Variants in AIG1 observed in about 807,000 individuals in gnomAD.
The protein encoded by AIG1 is androgen induced 1.
A neutral mutation model predicts 31.4 loss-of-function variants in AIG1; 23 were observed. The observed-to-expected ratio is 0.73, with a 90% CI of 0.53 to 1.04. The LOEUF is 1.04. Ranked by LOEUF, AIG1 falls within the 50% of genes least tolerant of loss-of-function variation. AIG1 has a pLI of 0.00. For missense variants in AIG1, 274 were observed against 295.0 expected (o/e 0.93, Z 0.52); for synonymous variants, 100 against 110.5 (o/e 0.90, Z 0.60).
intron 2 of AIG1, among the ~76,000 whole-genome samples, chr6:143,138,506 T>C (rs1011049117): frequency 6.6e-6 from 1 of 152,170 alleles, no homozygotes; most frequent in Non-Finnish European, 1.5e-5. Context: ...TGTATACATT[T>C]TTTCTTTTTT....
chr6:143,180,543 T>C (rs1788625984), intron 3 of AIG1, among the ~76,000 whole-genome samples: 1 of 152,172 alleles, frequency 6.6e-6, no homozygotes, highest in African/African-American at 2.4e-5. Flanking sequence ...TAAATAAATA[T>C]TTAAACTCCA....
intron 3 of AIG1, among the ~76,000 whole-genome samples, chr6:143,175,950 G>T (rs1024070373): frequency 6.6e-6 from 1 of 152,234 alleles, no homozygotes; most frequent in African/African-American, 2.4e-5. Context: ...TCAGACGGAA[G>T]ATCTGGGATT....
At chr6:143,162,441 T>TAA (rs1786470227) in intron 2 of AIG1, among the ~76,000 whole-genome samples, 1 of 152,192 alleles carries the variant, frequency 6.6e-6, no homozygotes, top group Non-Finnish European at 1.5e-5. Context: ...AAAGCAGTCA[T>TAA]AACAATTTGG....
chr6:143,335,179 C>T, intron 5 of AIG1: 1 of 1,302,288 alleles, frequency 7.7e-7, no homozygotes, highest in South Asian at 2.5e-5. Flanking sequence ...CCAACTTCTA[C>T]CTATCAAGTT....
intron 3 of AIG1, among the ~76,000 whole-genome samples, chr6:143,206,308 G>A (rs1261352181): frequency 2.6e-5 from 4 of 152,142 alleles, no homozygotes; most frequent in Non-Finnish European, 4.4e-5. Context: ...CCTTCTCAAG[G>A]TAGTTCTTAA....
chr6:143,168,669 G>T (rs1787200570), intron 3 of AIG1, among the ~76,000 whole-genome samples: 1 of 151,934 alleles, frequency 6.6e-6, no homozygotes. Context: ...TGGATGTGGT[G>T]GTATGAACAT....
intron 1 of AIG1, among the ~76,000 whole-genome samples, chr6:143,070,605 T>C (rs1487537254): frequency 2.0e-5 from 3 of 152,230 alleles, no homozygotes; most frequent in Non-Finnish European, 4.4e-5. Context: ...GAGAGCCTTC[T>C]TGATGCACCA....
rs1431734264 is a variant in AIG1, at chr6:143,334,378, CAAAT to C, written c.679+936_679+939del. The stretch of plus-strand genomic sequence containing the variant: ...CTGCCAGGAGCTCAATGGAATCAGA[CAAAT>C]AACGCACAGTGAGTGCATGGTTACT... On this transcript the variant is annotated intron_variant, in intron 5 of 5. Transcript: ENST00000357847. The surrounding 1 kb of genome is among the most constrained non-coding windows in gnomAD (Gnocchi z 5.1). Among the ~76,000 whole-genome samples, 2 of 152,230 alleles carry C rather than the reference CAAAT, an allele frequency of 1.3e-5. No homozygotes were observed. The highest frequency in any genetic ancestry group is 2.9e-5 in the Non-Finnish European group (2 of 68,040).
rs1345914307 is a variant in AIG1, at chr6:143,258,219, A to T, written c.400-25891A>T. On this transcript the variant is annotated intron_variant, in intron 3 of 5. Coordinates refer to ENST00000357847, the MANE Select transcript of AIG1 (RefSeq NM_016108.4). The surrounding 1 kb of genome is among the most constrained non-coding windows in gnomAD (Gnocchi z 4.7). ...CAGTTTCCTCACCTGTAAAATGAAG[A>T]CAAAAGCCTTCCACCCTGTCTCATC... is the stretch of plus-strand genomic sequence containing the variant. Among the ~76,000 whole-genome samples, 1 of 152,214 alleles carries T rather than the reference A, an allele frequency of 6.6e-6. No homozygotes were observed. Among genetic ancestry groups the T allele is most frequent in the Non-Finnish European group, 1.5e-5 (1 of 68,048 alleles).
In AIG1 at chr6:143,328,295, A is replaced by C. The variant is rs938911381; in HGVS notation, c.516-4987A>C. Among the ~76,000 whole-genome samples the C allele has an allele frequency of 2.0e-5, 3 of 152,162 alleles. No individual in the cohort carries two copies. Among genetic ancestry groups the C allele is most frequent in the Non-Finnish European group, 4.4e-5 (3 of 68,006 alleles). On this transcript the variant is annotated intron_variant, in intron 4 of 5. Transcript: ENST00000357847. This position sits in a 1 kb window ranked among gnomAD's most constrained non-coding sequence, Gnocchi z 4.0. ...CACTTATTGGAGAAGTTTGCTTTTG[A>C]AGAGGAGAGACTTGAGTAGTACTTG...
intron 3 of AIG1, among the ~76,000 whole-genome samples, chr6:143,172,507 G>T (rs1176581451): frequency 1.3e-5 from 2 of 152,128 alleles, no homozygotes; most frequent in Non-Finnish European, 2.9e-5. Context: ...TGTTCATCAG[G>T]AATATTGGTC....
intron 3 of AIG1, among the ~76,000 whole-genome samples, chr6:143,214,087 A>T (rs1250412283): frequency 6.6e-6 from 1 of 152,212 alleles, no homozygotes; most frequent in African/African-American, 2.4e-5. Context: ...ACTTTGCCAA[A>T]GCCTAGTAAA....
In AIG1 at chr6:143,279,105, C is replaced by T. The variant is rs1008801477; in HGVS notation, c.400-5005C>T. Among the ~76,000 whole-genome samples, 14 of 151,994 alleles carry T rather than the reference C, an allele frequency of 9.2e-5. No homozygotes were observed. The highest frequency in any genetic ancestry group is 4.6e-4 in the Admixed American group (7 of 15,262). ...TTACATTAGTGTGTACGTGTGTATA[C>T]GTATATGATGTTTTATGACAGCATT... On this transcript the variant is annotated intron_variant, in intron 3 of 5. Coordinates refer to ENST00000357847, the MANE Select transcript of AIG1 (RefSeq NM_016108.4). The surrounding 1 kb of genome is among the most constrained non-coding windows in gnomAD (Gnocchi z 5.4).
chr6:143,163,471 C>T (rs1786609049), intron 2 of AIG1, among the ~76,000 whole-genome samples: 1 of 152,152 alleles, frequency 6.6e-6, no homozygotes, highest in Admixed American at 6.5e-5. Context: ...TACAAAATTC[C>T]TAGGATCCTC....
rs377763087 is a variant in AIG1, at chr6:143,173,502, CT to C, written c.399+8324del. Among the ~76,000 whole-genome samples, 50 of 152,324 alleles carry C rather than the reference CT, an allele frequency of 3.3e-4. No homozygotes were observed. The East Asian group carries it at 7.3e-3, about 22-fold the overall frequency. On this transcript the variant is annotated intron_variant, in intron 3 of 5. Coordinates refer to ENST00000357847, the MANE Select transcript of AIG1 (RefSeq NM_016108.4). ...GATTGTCTATTTGCACTCTTTCAGA[CT>C]TTTTGATGTAGGCATTTAATGCTAT...
At position 143,263,401 on chromosome 6, in the gene AIG1, C is replaced by A. The variant is rs978983036; in HGVS notation, c.400-20709C>A. 9.2e-5 allele frequency among the ~76,000 whole-genome samples: 14 copies of A among 152,004 alleles called. No individual in the cohort carries two copies. In the South Asian group the frequency reaches 2.9e-3, roughly 32 times the overall value. Reference sequence around the variant, plus strand: ...GCTCATCTGCTCAGCTTATTATAAGCCCTGCCCTGGTTCTTCATATTTCTG... The same window carrying A: ...GCTCATCTGCTCAGCTTATTATAAGACCTGCCCTGGTTCTTCATATTTCTG... On this transcript the variant is annotated intron_variant, in intron 3 of 5. Coordinates refer to ENST00000357847, the MANE Select transcript of AIG1 (RefSeq NM_016108.4).
Position 143,284,189 on chromosome 6 carries a change from C to G in AIG1, c.479C>G (p.Thr160Ser). 6.2e-7 allele frequency: 1 copy of G among 1,613,878 alleles called. No homozygotes were observed. Among genetic ancestry groups the G allele is most frequent in the South Asian group, 1.1e-5 (1 of 91,040 alleles). ...HQYPSRSSGL[T>S]AICTFSVGYI... The stretch of plus-strand genomic sequence containing the variant: ...TATCCCAGCAGGAGCAGCGGACTTA[C>G]CGCCATATGTACCTTCTCTGTTGGC... The change falls in exon 4 of 6, where the codon ACC becomes AGC. Residue 160 changes from threonine to serine, a missense_variant. By Grantham distance (58) the Thr-to-Ser change is moderately conservative (BLOSUM62 1). Transcript: ENST00000357847. The surrounding 1 kb of genome is among the most constrained non-coding windows in gnomAD (Gnocchi z 4.4).
At chr6:143,342,358 T>A, downstream of AIG1, 1 of 673,372 alleles carries the variant, frequency 1.5e-6, no homozygotes, top group South Asian at 1.5e-5. Flanking sequence ...CCGCCGCAGC[T>A]GCTTAGACGC....
In AIG1 at chr6:143,291,516, A is replaced by G. The variant is rs1798058397; in HGVS notation, c.515+7291A>G. ...AGCACCTGGACTTCAGCCTCACAGC[A>G]CTAATCAGTGGGAAGCAGGGATTTG... On this transcript the variant is annotated intron_variant, in intron 4 of 5. Transcript: ENST00000357847. The surrounding 1 kb of genome is among the most constrained non-coding windows in gnomAD (Gnocchi z 4.2). Among the ~76,000 whole-genome samples, 1 of 152,208 alleles carries G rather than the reference A, an allele frequency of 6.6e-6. No homozygotes were observed. The highest frequency in any genetic ancestry group is 1.5e-5 in the Non-Finnish European group (1 of 68,040).
Sources: gnomAD v4.1 joint callset for allele counts (sites outside exome capture counted in the v4.1 genomes callset) on GRCh38, gnomAD v4.1.1 for gene constraint, Gnocchi (gnomAD v3.1) non-coding constraint, MANE v1.5 for transcripts, NCBI Gene and HGNC (gene_info 2026-07-23, HGNC 2026-07-21) for gene names.